Variants in TP53BP1 observed in about 807,000 individuals in gnomAD.
TP53BP1 encodes the protein tumor protein p53 binding protein 1.
A neutral mutation model predicts 200.8 loss-of-function variants in TP53BP1; 61 were observed. That is an observed-to-expected ratio of 0.30 (90% CI 0.25 to 0.38). TP53BP1 has a LOEUF of 0.38. TP53BP1 is among the 10% of genes least tolerant of loss of function. The pLI is 1.00. For missense variants in TP53BP1, 2,144 were observed against 2,371.9 expected, an observed-to-expected ratio of 0.90 and a Z score of 2.00; for synonymous variants, 822 against 844.3, an observed-to-expected ratio of 0.97 and a Z score of 0.46.
rs547430238 is a variant in TP53BP1 at position 43,492,018 on chromosome 15, T to A, written c.270A>T (p.Lys90Asn). The change falls in exon 3 of 28, where the codon AAA (lysine) becomes AAT (asparagine). Residue 90 changes from lysine (K) to asparagine (N), a missense_variant. Physicochemically the swap from Lys to Asn is moderately conservative, Grantham distance 94 (BLOSUM62 0). This residue lies in a region of TP53BP1 where 1,700 missense variants were observed against 1,710.3 expected (regional missense o/e 0.99). Transcript: ENST00000382044. ...ACACCTCACCTGCAACCTTGTTTTCTTTCAAATGTTCATTGAACCCACTAT... is the reference window on the plus strand; with the variant it reads ...ACACCTCACCTGCAACCTTGTTTTCATTCAAATGTTCATTGAACCCACTAT... ...DGNSGFNEHL[K>N]ENKVADPVDS... 3.7e-6 allele frequency: 6 copies of A among 1,613,952 alleles called. No homozygotes were observed. The African/African-American group carries it at 8.0e-5, about 22-fold the overall frequency.
Position 43,456,379 on chromosome 15 carries a change from C to T in TP53BP1, c.2229G>A (p.Leu743=). The T allele has an allele frequency of 2.5e-6, 4 of 1,607,010 alleles. No homozygotes were observed. Among genetic ancestry groups the T allele is most frequent in the Non-Finnish European group, 2.5e-6 (3 of 1,177,898 alleles). The change falls in exon 12 of 28, where the codon TTG becomes TTA. Residue 743 remains leucine (L), a synonymous_variant. Transcript: ENST00000382044. ...PQKLAILDQE[L]EHKEQEAWEE... is the part of the protein sequence containing the mutation. ...CCCAAGCTTCCTGTTCCTTATGTTC[C>T]AATTCTTGGTCAAGTATTGCCAACT...
intron 12 of TP53BP1, among the ~76,000 whole-genome samples, chr15:43,451,761 G>C (rs1048414299): frequency 5.3e-5 from 8 of 152,234 alleles, no homozygotes; most frequent in African/African-American, 1.4e-4. Flanking sequence ...AATCGCCACA[G>C]TGACTTCCAC....
chr15:43,433,337 C>T (rs867631943), intron 16 of TP53BP1, among the ~76,000 whole-genome samples: 2 of 152,084 alleles, frequency 1.3e-5, no homozygotes, highest in Non-Finnish European at 1.5e-5. Context: ...ATCAGTGATT[C>T]GTTCCTTTAT....
intron 1 of TP53BP1, 22 bp downstream of exon 1, chr15:43,493,015 C>T (rs747652550): frequency 7.1e-5 from 114 of 1,612,948 alleles, no homozygotes; most frequent in Non-Finnish European, 9.5e-5. Flanking sequence ...CCACTGCACT[C>T]CCATTTCTCT....
At chr15:43,442,609 T>C (rs922831292) in intron 14 of TP53BP1, among the ~76,000 whole-genome samples, 1 of 151,892 alleles carries the variant, frequency 6.6e-6, no homozygotes, top group East Asian at 1.9e-4. Context: ...GCGATTCTCA[T>C]GCCTCACCCT....
intron 1 of TP53BP1, among the ~76,000 whole-genome samples, chr15:43,500,320 A>T (rs1284492690): frequency 1.3e-5 from 2 of 152,182 alleles, no homozygotes; most frequent in African/African-American, 4.8e-5. Context: ...TTATTAACAG[A>T]AAAAATTTTA....
intron 19 of TP53BP1, 149 bp downstream of exon 19, chr15:43,421,706 A>T: frequency 8.5e-7 from 1 of 1,170,106 alleles, no homozygotes; most frequent in Non-Finnish European, 1.2e-6. Flanking sequence ...AACCCAAAAC[A>T]GGAAGAGAGC....
intron 24 of TP53BP1, among the ~76,000 whole-genome samples, chr15:43,411,844 T>G (rs1418628987): frequency 6.6e-6 from 1 of 151,716 alleles, no homozygotes; most frequent in Admixed American, 6.6e-5. Context: ...TTCTTGACTA[T>G]GCTGAACCAA....
rs755758138 is a variant in TP53BP1, at chr15:43,479,505, G to C, written c.680C>G (p.Ser227Cys). Residue 227 changes from serine (S) to cysteine (C), a missense_variant, in exon 7 of 28, where the codon TCC (serine) becomes TGC (cysteine). This residue lies in a region of TP53BP1 where 1,700 missense variants were observed against 1,710.3 expected (regional missense o/e 0.99). Transcript: ENST00000382044. ...TTCTGCTATGGGGATATCTTCGTTG[G>C]ACTGTTCTTCATGCTTAATTGCTGA... ...ANTAIKHEEQ[S>C]NEDIPIAEQS... is the part of the protein sequence containing the mutation. 1.9e-6 allele frequency: 3 copies of C among 1,610,804 alleles called. No individual in the cohort carries two copies. Among genetic ancestry groups the C allele is most frequent in the Non-Finnish European group, 2.5e-6 (3 of 1,179,064 alleles).
At chr15:43,439,672 T>G (rs992465060) in intron 15 of TP53BP1, among the ~76,000 whole-genome samples, 1 of 152,190 alleles carries the variant, frequency 6.6e-6, no homozygotes, top group Non-Finnish European at 1.5e-5. Context: ...AAATTTAGAT[T>G]CTTATATAGA....
At chr15:43,421,302 G>A in intron 19 of TP53BP1, 128 bp from the exon 20 acceptor site, 1 of 946,532 alleles carries the variant, frequency 1.1e-6, no homozygotes, top group Non-Finnish European at 1.6e-6. Context: ...GCAGGAAGCT[G>A]GTTCACACAC....
At chr15:43,467,898 C>T (rs2046628022) in intron 11 of TP53BP1, among the ~76,000 whole-genome samples, 1 of 152,008 alleles carries the variant, frequency 6.6e-6, no homozygotes, top group African/African-American at 2.4e-5. Context: ...ATTCTCCTGC[C>T]TCAGCCTTCC....
At chr15:43,504,780 G>A (rs1469458232) in intron 1 of TP53BP1, among the ~76,000 whole-genome samples, 1 of 152,194 alleles carries the variant, frequency 6.6e-6, no homozygotes, top group African/African-American at 2.4e-5. Context: ...AGTACTTTGG[G>A]AGGCCGAGGC....
At chr15:43,508,371 T>G (rs1395600977) in intron 1 of TP53BP1, among the ~76,000 whole-genome samples, 1 of 152,008 alleles carries the variant, frequency 6.6e-6, no homozygotes, top group Non-Finnish European at 1.5e-5. Context: ...AAAAAAAAAT[T>G]TCTGGGCTGG....
At chr15:43,467,788 CT>C (rs11384031) in intron 11 of TP53BP1, among the ~76,000 whole-genome samples, 578 of 142,832 alleles carry the variant, frequency 4.0e-3, no homozygotes, top group Admixed American at 3.7e-3. Flanking sequence ...TTCTTAAACT[CT>C]TTTTTTTTTT....
rs1465386078 is a variant in TP53BP1 at position 43,405,756 on chromosome 15, T to C, written c.*1627A>G. The C allele has an allele frequency of 6.5e-6, 1 of 152,796 alleles. No homozygotes were observed. Among genetic ancestry groups the C allele is most frequent in the Non-Finnish European group, 1.5e-5 (1 of 68,580 alleles). The allele number at this position is 152,796 out of a possible 1,614,324, so 9.5% of individuals were successfully genotyped here. A position where few individuals can be genotyped will look rare whatever the true frequency, so the allele number is the denominator to read the frequency against. ...TGAAAATATACTTAAAAGTATTTCT[T>C]AGGCCGGGCATGGTGGCTCACACCT... On this transcript the variant is annotated 3_prime_UTR_variant, in exon 28 of 28. Transcript: ENST00000382044.
At chr15:43,453,417 CT>C (rs1354573508) in intron 12 of TP53BP1, among the ~76,000 whole-genome samples, 1 of 151,976 alleles carries the variant, frequency 6.6e-6, no homozygotes, top group African/African-American at 2.4e-5. Flanking sequence ...AAAAGCACAG[CT>C]GGGATCAGGA....
At chr15:43,435,069 T>G (rs548306458) in intron 16 of TP53BP1, among the ~76,000 whole-genome samples, 76 of 152,064 alleles carry the variant, frequency 5.0e-4, no homozygotes, top group African/African-American at 1.7e-3. Context: ...GAGACCTGCC[T>G]GGCCAACACG....
rs775290849 is a variant in TP53BP1, at chr15:43,432,255, C to A, written c.3614G>T (p.Arg1205Met). The change falls in exon 17 of 28, where the codon AGG (arginine) becomes ATG (methionine). Residue 1205 changes from arginine (R) to methionine (M), a missense_variant. Physicochemically the swap from Arg to Met is moderately conservative, Grantham distance 91. This residue lies in a region of TP53BP1 where 1,700 missense variants were observed against 1,710.3 expected (regional missense o/e 0.99). Transcript: ENST00000382044. ...ACTGACTGGTTTCTCACCACTCCCC[C>A]TCTCAGTCTGAACTGTGGCATCTTG... The part of the protein sequence containing the change: ...GKQDATVQTE[R>M]GSGEKPVSAP... 2 of 1,614,096 alleles carry A rather than the reference C, an allele frequency of 1.2e-6. No homozygotes were observed. The highest frequency in any genetic ancestry group is 2.2e-5 in the East Asian group (1 of 44,900).
Sources: allele counts gnomAD v4.1 joint callset (sites outside exome capture counted in the v4.1 genomes callset), GRCh38; gene constraint gnomAD v4.1.1; regional missense constraint gnomAD v4.1.1; transcripts MANE v1.5; gene names NCBI Gene and HGNC (gene_info 2026-07-23, HGNC 2026-07-21).